Variants in TET1 observed in about 807,000 individuals in gnomAD.
TET1 encodes the protein methylcytosine dioxygenase TET1.
In TET1, 13 loss-of-function variants were observed where a neutral mutation model predicts 148.7. The ratio of observed to expected loss-of-function variants is 0.09; its 90% CI spans 0.06 to 0.14. The LOEUF (loss-of-function observed/expected upper bound fraction) is 0.14. Among genes scored for constraint, TET1 ranks in the 10% least tolerant of loss-of-function variants. TET1 has a pLI of 1.00. For synonymous variants in TET1, 907 were observed against 937.2 expected (o/e 0.97, Z 0.59); for missense variants, 2,182 against 2,553.8 (o/e 0.85, Z 3.14).
intron 3 of TET1, among the ~76,000 whole-genome samples, chr10:68,625,640 G>C (rs2054466489): frequency 6.6e-6 from 1 of 152,166 alleles, no homozygotes; most frequent in Non-Finnish European, 1.5e-5. Flanking sequence ...ACACTCAGCT[G>C]TGTTGGTCTT....
At chr10:68,624,060 A>ATAATC in intron 3 of TET1, among the ~76,000 whole-genome samples, 1 of 150,684 alleles carries the variant, frequency 6.6e-6, no homozygotes, top group Non-Finnish European at 1.5e-5. Context: ...GCAATATAAT[A>ATAATC]GTTTTAACAC....
chr10:68,624,771 G>A lies in TET1; in HGVS notation c.1969-19927G>A, dbSNP rs181200386. Among the ~76,000 whole-genome samples the A allele has an allele frequency of 3.2e-3, 460 of 143,620 alleles. 5 individuals are homozygous for A. Among genetic ancestry groups the A allele is most frequent in the African/African-American group, 0.011 (439 of 38,476 alleles). 94.2% of individuals were successfully genotyped at this position (143,620 alleles called of 152,430 possible). ...TTTTGAGACGGAGTCTTGCTCTGTC[G>A]CCCAGGCTGGAGTGCAGTGGCGCAA... On this transcript the variant is annotated intron_variant, in intron 3 of 11. Coordinates refer to ENST00000373644, the MANE Select transcript of TET1 (RefSeq NM_030625.3).
intron 6 of TET1, among the ~76,000 whole-genome samples, chr10:68,664,234 T>C (rs1225076538): frequency 6.6e-6 from 1 of 151,926 alleles, no homozygotes; most frequent in Non-Finnish European, 1.5e-5. Flanking sequence ...TATTGTGAAG[T>C]GCCTATTCAA....
rs752407348 is a variant in TET1, at chr10:68,645,987, G to A, written c.3258G>A (p.Ser1086=). ...DVATQLTQLA[S]IIKINYIKPE... ...CAACACAGTTGACACAACTTGCTTC[G>A]ATAATTAAGATCAATTATATAAAAC... Residue 1086 remains serine, a synonymous_variant, in exon 4 of 12, where the codon TCG becomes TCA. Transcript: ENST00000373644. 8 of 1,613,834 alleles carry A rather than the reference G, an allele frequency of 5.0e-6. No homozygotes were observed. Among genetic ancestry groups the A allele is most frequent in the African/African-American group, 1.3e-5 (1 of 74,882 alleles).
In TET1 at chr10:68,667,195, A is replaced by C; in HGVS notation, c.4612A>C (p.Thr1538Pro). The C allele has an allele frequency of 6.2e-7, 1 of 1,614,166 alleles. No individual in the cohort carries two copies. The change falls in exon 7 of 12, where the codon ACA becomes CCA. Residue 1538 changes from threonine (T) to proline (P), a missense_variant. Thr to Pro is a conservative substitution (Grantham distance 38). Around this residue, in one of 11 missense-constraint regions of TET1, gnomAD observed 169 missense variants for 263.7 expected, o/e 0.64. Coordinates refer to ENST00000373644, the MANE Select transcript of TET1 (RefSeq NM_030625.3). ...PMADRLYTEL[T>P]ENLKSYNGHP... is the part of the protein sequence containing the mutation. ...GGCCGACCGGCTATACACAGAGCTCACAGAGAATCTAAAGTCATACAATGG... is the reference window on the plus strand; with the variant it reads ...GGCCGACCGGCTATACACAGAGCTCCCAGAGAATCTAAAGTCATACAATGG...
chr10:68,648,457 A>G (rs2054883682), intron 4 of TET1, among the ~76,000 whole-genome samples: 1 of 152,226 alleles, frequency 6.6e-6, no homozygotes, highest in South Asian at 2.1e-4. Context: ...TTTGTTTACC[A>G]TACAACTATG....
intron 2 of TET1, among the ~76,000 whole-genome samples, chr10:68,575,905 A>G (rs879942336): frequency 6.6e-6 from 1 of 150,770 alleles, no homozygotes; most frequent in Non-Finnish European, 1.5e-5. Flanking sequence ...CTGCAGTTCC[A>G]GCTGCTGGGG....
chr10:68,676,247 TA>T (rs1564505979), intron 8 of TET1, among the ~76,000 whole-genome samples: 13 of 14,220 alleles, frequency 9.1e-4, no homozygotes, highest in South Asian at 4.5e-3. Context: ...TATATATATA[TA>T]TATATATATA....
chr10:68,646,443 A>G lies in TET1; in HGVS notation c.3714A>G (p.Pro1238=). The G allele has an allele frequency of 6.2e-7, 1 of 1,614,122 alleles. No individual in the cohort carries two copies. Among genetic ancestry groups the G allele is most frequent in the Non-Finnish European group, 8.5e-7 (1 of 1,180,040 alleles). Residue 1238 remains proline (P), a synonymous_variant, in exon 4 of 12, where the codon CCA becomes CCG. Transcript: ENST00000373644. ...TGCAACCCAAAACAGTATTTCCACC[A>G]CTCACTCAGATAAAATTACAGAGAT... is the stretch of plus-strand genomic sequence containing the variant. ...SIMQPKTVFP[P]LTQIKLQRYP... is the part of the protein sequence containing the mutation.
At chr10:68,688,974 T>G (rs181369925) in intron 11 of TET1, among the ~76,000 whole-genome samples, 10 of 152,358 alleles carry the variant, frequency 6.6e-5, no homozygotes, top group African/African-American at 2.4e-4. Flanking sequence ...GGCATTTATA[T>G]AATGCTGAAA....
intron 8 of TET1, among the ~76,000 whole-genome samples, chr10:68,675,856 T>TTTG (rs1564505747): frequency 6.6e-6 from 1 of 152,006 alleles, no homozygotes; most frequent in African/African-American, 2.4e-5. Flanking sequence ...ATAAAGCTAT[T>TTTG]TTGTTGTTGT....
rs2054364071 is a variant in TET1, at chr10:68,621,131, T to C, written c.1968+20097T>C. The stretch of plus-strand genomic sequence containing the variant: ...GTTTATCTTTTTCTTTGGGTAATTA[T>C]GGTTTTGGTGTTAAAAACAGTTGGC... On this transcript the variant is annotated intron_variant, in intron 3 of 11. Transcript: ENST00000373644. Among the ~76,000 whole-genome samples the C allele has an allele frequency of 2.0e-5, 3 of 152,198 alleles. No homozygotes were observed. The South Asian group carries it at 6.2e-4, about 32-fold the overall frequency.
At chr10:68,596,593 C>T (rs1243819110) in intron 2 of TET1, among the ~76,000 whole-genome samples, 2 of 152,156 alleles carry the variant, frequency 1.3e-5, no homozygotes, top group African/African-American at 2.4e-5. Context: ...CTGGCCTCTG[C>T]TCAGAATTTC....
At chr10:68,672,335 A>C (rs1249500446) in intron 7 of TET1, among the ~76,000 whole-genome samples, 1 of 151,738 alleles carries the variant, frequency 6.6e-6, no homozygotes, top group Non-Finnish European at 1.5e-5. Flanking sequence ...TAAAAATAAA[A>C]AAATTAGCTG....
intron 3 of TET1, among the ~76,000 whole-genome samples, chr10:68,623,009 A>ATC (rs1301477564): frequency 1.3e-5 from 2 of 152,054 alleles, no homozygotes; most frequent in African/African-American, 4.8e-5. Context: ...GTTAACTTTG[A>ATC]TCTCTTGGCT....
intron 2 of TET1, among the ~76,000 whole-genome samples, chr10:68,575,893 G>A (rs376645997): frequency 2.7e-5 from 4 of 149,878 alleles, no homozygotes; most frequent in Non-Finnish European, 4.4e-5. Context: ...GACGGCGTGC[G>A]CCTGCAGTTC....
intron 2 of TET1, among the ~76,000 whole-genome samples, chr10:68,595,939 T>TAC (rs1564958757): frequency 0.01 from 370 of 36,320 alleles, 18 homozygotes; most frequent in African/African-American, 0.031. Context: ...TATATATATA[T>TAC]ATATATATAT....
At chr10:68,632,378 C>G (rs2054586641) in intron 3 of TET1, 7 of 1,603,834 alleles carry the variant, frequency 4.4e-6, no homozygotes, top group Non-Finnish European at 6.0e-6. Flanking sequence ...CTCATGGCCT[C>G]CACGCCGGAG....
chr10:68,578,976 C>T (rs915833942), intron 2 of TET1, among the ~76,000 whole-genome samples: 1 of 152,022 alleles, frequency 6.6e-6, no homozygotes, highest in Non-Finnish European at 1.5e-5. Context: ...ATGATCGCGC[C>T]ACTGCACTCC....
Sources: allele counts gnomAD v4.1 joint callset (sites outside exome capture counted in the v4.1 genomes callset), GRCh38; gene constraint gnomAD v4.1.1; regional missense constraint gnomAD v4.1.1; transcripts MANE v1.5; gene names NCBI Gene and HGNC (gene_info 2026-07-23, HGNC 2026-07-21).